PPP2R2B: variants seen among roughly 807,000 people sequenced by gnomAD.
PPP2R2B encodes protein phosphatase 2 regulatory subunit Bbeta.
A neutral mutation model predicts 46.0 loss-of-function variants in PPP2R2B; 5 were observed. The observed-to-expected ratio is 0.11, with a 90% CI of 0.06 to 0.23. PPP2R2B has a LOEUF of 0.23. Among genes scored for constraint, PPP2R2B ranks in the 10% least tolerant of loss-of-function variants. The probability of loss-of-function intolerance (pLI) is 1.00; values close to 1 mark genes in which losing one functional copy is unlikely to be tolerated. For synonymous variants in PPP2R2B, 215 were observed against 206.7 expected (o/e 1.04, Z -0.34); for missense variants, 367 against 575.0 (o/e 0.64, Z 3.70).
intron 2 of PPP2R2B, chr5:146,706,708 T>A (rs1249846346): frequency 2.3e-6 from 2 of 864,564 alleles, no homozygotes; most frequent in Admixed American, 3.5e-5. Context: ...ATCTCAGAGA[T>A]CTCAGTCTTT....
At chr5:147,009,133 T>G (rs1754593796) in intron 1 of PPP2R2B, among the ~76,000 whole-genome samples, 1 of 152,158 alleles carries the variant, frequency 6.6e-6, no homozygotes, top group African/African-American at 2.4e-5. Flanking sequence ...TGATTGAAGA[T>G]CAAGAAAAAC....
At chr5:146,768,074 GTTTTC>G (rs1754600977) in intron 2 of PPP2R2B, among the ~76,000 whole-genome samples, 1 of 151,342 alleles carries the variant, frequency 6.6e-6, no homozygotes, top group Admixed American at 6.6e-5. Flanking sequence ...TTAACAATTG[GTTTTC>G]TTTTTTTTTT....
chr5:146,668,824 G>T (rs1777169499), intron 5 of PPP2R2B, among the ~76,000 whole-genome samples: 1 of 152,078 alleles, frequency 6.6e-6, no homozygotes, highest in South Asian at 2.1e-4. Flanking sequence ...TGACCTCTTT[G>T]CCCCCAAATG....
intron 1 of PPP2R2B, among the ~76,000 whole-genome samples, chr5:146,986,636 G>A (rs545533516): frequency 9.2e-5 from 14 of 152,202 alleles, no homozygotes; most frequent in African/African-American, 3.1e-4. Context: ...ACAGTAGAGG[G>A]TCTCAATAGC....
chr5:146,593,832 A>C (rs1283354108), intron 8 of PPP2R2B, among the ~76,000 whole-genome samples: 1 of 152,218 alleles, frequency 6.6e-6, no homozygotes, highest in Non-Finnish European at 1.5e-5. Flanking sequence ...CTGAGGAAGA[A>C]GAGACCTCAC....
intron 1 of PPP2R2B, among the ~76,000 whole-genome samples, chr5:146,999,605 T>G (rs1754073569): frequency 6.6e-6 from 1 of 152,198 alleles, no homozygotes; most frequent in South Asian, 2.1e-4. Flanking sequence ...ATGTGGCTTC[T>G]TCTCTATTTG....
At chr5:146,624,705 C>T in intron 7 of PPP2R2B, among the ~76,000 whole-genome samples, 1 of 152,214 alleles carries the variant, frequency 6.6e-6, no homozygotes, top group East Asian at 1.9e-4. Flanking sequence ...CTTACCATTG[C>T]CTACAGGTCT....
chr5:146,938,445 C>CTT (rs2307636), intron 1 of PPP2R2B, among the ~76,000 whole-genome samples: 71,381 of 151,786 alleles, frequency 0.47, 19,005 homozygotes, highest in East Asian at 0.73. Flanking sequence ...TCTGCAAACT[C>CTT]TGACCTAGCA....
chr5:146,927,410 A>G (rs1457554668), intron 1 of PPP2R2B, among the ~76,000 whole-genome samples: 3 of 152,188 alleles, frequency 2.0e-5, no homozygotes, highest in African/African-American at 2.4e-5. Context: ...TCTTGCACAT[A>G]TAAGATAACT....
chr5:147,062,392 C>T (rs961531817), intron 2 of PPP2R2B, among the ~76,000 whole-genome samples: 1 of 152,202 alleles, frequency 6.6e-6, no homozygotes, highest in African/African-American at 2.4e-5. Context: ...CATCTGAGTT[C>T]TTCATTCATC....
At chr5:146,900,961 C>G (rs1423038479) in intron 1 of PPP2R2B, among the ~76,000 whole-genome samples, 1 of 152,128 alleles carries the variant, frequency 6.6e-6, no homozygotes, top group Non-Finnish European at 1.5e-5. Context: ...AGGACATGAT[C>G]TCATTCCTTT....
intron 2 of PPP2R2B, among the ~76,000 whole-genome samples, chr5:146,760,715 A>T (rs753972408): frequency 1.8e-4 from 27 of 152,118 alleles, no homozygotes; most frequent in Non-Finnish European, 3.8e-4. Context: ...CATTGGAAAT[A>T]CCTGGCTGAG....
chr5:146,889,959 G>A (rs1582368227), intron 1 of PPP2R2B, among the ~76,000 whole-genome samples: 1 of 152,306 alleles, frequency 6.6e-6, no homozygotes, highest in East Asian at 1.9e-4. Context: ...GATGCGACTT[G>A]CCCAGGTTAC....
intron 2 of PPP2R2B, among the ~76,000 whole-genome samples, chr5:146,715,480 A>G (rs1336730649): frequency 1.3e-5 from 2 of 150,412 alleles, no homozygotes; most frequent in Non-Finnish European, 1.5e-5. Flanking sequence ...TCGACCCTCT[A>G]TATACATACA....
rs970627284 is a variant in PPP2R2B at position 146,813,800 on chromosome 5, TGAAA to T, written c.70+64198_70+64201del. The stretch of plus-strand genomic sequence containing the variant: ...CTTAAGCAGCAGGAAGGAAAACTGG[TGAAA>T]GAAAGAAAGGGTTGACAGGCAGCAA... On this transcript the variant is annotated intron_variant, in intron 2 of 9. Transcript: ENST00000394411. Among the ~76,000 whole-genome samples the T allele has an allele frequency of 9.9e-5, 15 of 151,574 alleles. No homozygotes were observed. In the South Asian group the frequency reaches 1.3e-3, roughly 13 times the overall value.
At chr5:146,770,414 A>T (rs533073393) in intron 2 of PPP2R2B, among the ~76,000 whole-genome samples, 55 of 151,688 alleles carry the variant, frequency 3.6e-4, no homozygotes, top group African/African-American at 1.2e-3. Context: ...AATTATTGCA[A>T]TTAAAAAGAA....
chr5:146,725,130 TC>T (rs1751781164), intron 2 of PPP2R2B, among the ~76,000 whole-genome samples: 1 of 152,182 alleles, frequency 6.6e-6, no homozygotes, highest in Admixed American at 6.5e-5. Context: ...CCCTTTGCCT[TC>T]CTTTCCTCAC....
chr5:146,642,205 C>T (rs991177098), intron 6 of PPP2R2B, among the ~76,000 whole-genome samples: 9 of 152,132 alleles, frequency 5.9e-5, no homozygotes, highest in South Asian at 4.1e-4. Flanking sequence ...GTGAGGGCAC[C>T]GCTGTGCCAG....
intron 4 of PPP2R2B, among the ~76,000 whole-genome samples, chr5:146,693,879 T>C (rs903374871): frequency 6.6e-6 from 1 of 152,212 alleles, no homozygotes; most frequent in South Asian, 2.1e-4. Flanking sequence ...CAACCCTCAA[T>C]GATGTCAGCA....
Sources: allele counts gnomAD v4.1 joint callset (sites outside exome capture counted in the v4.1 genomes callset), GRCh38; gene constraint gnomAD v4.1.1; transcripts MANE v1.5; gene names NCBI Gene and HGNC (gene_info 2026-07-23, HGNC 2026-07-21).